ANKRD36C: variants seen among roughly 807,000 people sequenced by gnomAD.
ANKRD36C encodes the protein ankyrin repeat domain-containing protein 36C.
Under a neutral mutation model 276.4 loss-of-function variants are expected in ANKRD36C, and 61 were observed. That is an observed-to-expected ratio of 0.22 (90% CI 0.18 to 0.27). The LOEUF (loss-of-function observed/expected upper bound fraction) is 0.27. Among genes scored for constraint, ANKRD36C ranks in the 10% least tolerant of loss-of-function variants. ANKRD36C has a pLI of 1.00. For missense variants in ANKRD36C, 1,447 were observed against 2,032.3 expected (o/e 0.71, Z 5.54); for synonymous variants, 483 against 680.1 (o/e 0.71, Z 4.51).
At chr2:95,971,732 T>C (rs529321044) in intron 6 of ANKRD36C, among the ~76,000 whole-genome samples, 1 of 152,168 alleles carries the variant, frequency 6.6e-6, no homozygotes, top group Non-Finnish European at 1.5e-5. Flanking sequence ...TTTAACAAAA[T>C]ATAAAACAAA....
intron 44 of ANKRD36C, chr2:95,893,571 A>G (rs1387091732): frequency 3.2e-6 from 5 of 1,563,446 alleles, no homozygotes; most frequent in Admixed American, 1.9e-5. Flanking sequence ...TTCTCTGGCT[A>G]TATTCAAAAC....
chr2:95,894,580 G>C (rs1476662398), intron 44 of ANKRD36C, among the ~76,000 whole-genome samples: 3 of 151,324 alleles, frequency 2.0e-5, no homozygotes, highest in Non-Finnish European at 4.4e-5. Context: ...AAAGAGCCTT[G>C]TTGGGAGTAT....
At chr2:95,917,596 G>T (rs1466010642) in intron 36 of ANKRD36C, among the ~76,000 whole-genome samples, 2 of 151,468 alleles carry the variant, frequency 1.3e-5, no homozygotes, top group African/African-American at 4.8e-5. Context: ...AGCCCCTTAT[G>T]TCTTGAACCT....
intron 60 of ANKRD36C, among the ~76,000 whole-genome samples, chr2:95,860,985 G>A (rs1675564477): frequency 6.6e-6 from 1 of 152,124 alleles, no homozygotes; most frequent in Non-Finnish European, 1.5e-5. Context: ...CAGAAACGAT[G>A]TCTGGGGTTC....
At chr2:95,910,373 C>G (rs1203121663) in intron 42 of ANKRD36C, 1 of 1,537,808 alleles carries the variant, frequency 6.5e-7, no homozygotes, top group Admixed American at 2.0e-5. Flanking sequence ...TCAAAATTAC[C>G]TGTCCTAGAT....
intron 24 of ANKRD36C, among the ~76,000 whole-genome samples, chr2:95,931,677 G>A (rs1286615649): frequency 2.7e-5 from 4 of 146,034 alleles, no homozygotes; most frequent in Non-Finnish European, 6.1e-5. Context: ...CATGAAAAAT[G>A]AAGCACTGAC....
chr2:95,921,513 GC>G (rs908700324), intron 34 of ANKRD36C, 93 bp downstream of exon 34: 8 of 1,492,746 alleles, frequency 5.4e-6, no homozygotes, highest in East Asian at 4.9e-5. Context: ...GCTTCGGCGA[GC>G]CCCCCCACCT....
At chr2:95,967,799 T>C (rs969735846) in intron 6 of ANKRD36C, among the ~76,000 whole-genome samples, 9 of 151,756 alleles carry the variant, frequency 5.9e-5, no homozygotes, top group African/African-American at 2.2e-4. Context: ...TAAAAAAAAA[T>C]CATGCAGGCT....
intron 59 of ANKRD36C, among the ~76,000 whole-genome samples, chr2:95,869,206 A>G (rs1280097495): frequency 1.3e-5 from 2 of 152,204 alleles, no homozygotes; most frequent in Non-Finnish European, 2.9e-5. Context: ...CTACTCCCAA[A>G]TCACTGGATT....
At chr2:95,954,275 G>C (rs1315120726) in intron 13 of ANKRD36C, among the ~76,000 whole-genome samples, 1 of 152,122 alleles carries the variant, frequency 6.6e-6, no homozygotes, top group Non-Finnish European at 1.5e-5. Context: ...ATCACAAATA[G>C]TGACAGGCAT....
At chr2:95,917,536 C>G (rs1677136416) in intron 36 of ANKRD36C, among the ~76,000 whole-genome samples, 1 of 151,506 alleles carries the variant, frequency 6.6e-6, no homozygotes, top group Non-Finnish European at 1.5e-5. Flanking sequence ...TCCTTCCACC[C>G]TTAGTGAAAC....
chr2:95,984,074 T>C lies in ANKRD36C; in HGVS notation c.487-1712A>G, dbSNP rs569638616. On this transcript the variant is annotated intron_variant, in intron 3 of 66. Transcript: ENST00000456556. ...ATGGTATGTATAAAGATAAATAGTT[T>C]ATAAAACACCACCATCTAAATTCAA... Among the ~76,000 whole-genome samples, 208 of 152,326 alleles carry C rather than the reference T, an allele frequency of 1.4e-3. 2 individuals carry two copies. Among genetic ancestry groups the C allele is most frequent in the African/African-American group, 4.9e-3 (204 of 41,564 alleles).
intron 6 of ANKRD36C, among the ~76,000 whole-genome samples, chr2:95,975,965 A>C (rs1200806879): frequency 1.3e-5 from 2 of 152,236 alleles, no homozygotes; most frequent in Non-Finnish European, 2.9e-5. Flanking sequence ...AAAGTGGGCG[A>C]AGGATATGAA....
In ANKRD36C at chr2:95,960,685, T is replaced by C. The variant is rs1678439744; in HGVS notation, c.902-18A>G. The C allele has an allele frequency of 5.1e-6, 5 of 987,016 alleles. No individual in the cohort carries two copies. Among genetic ancestry groups the C allele is most frequent in the Non-Finnish European group, 7.3e-6 (5 of 684,388 alleles). 61.1% of individuals were successfully genotyped at this position (987,016 alleles called of 1,614,324 possible). ...AGAAGACACTGAAAACCAGAAGGGA[T>C]ACATAATCACTCATATGTAAATATG... On this transcript the variant is annotated intron_variant, in intron 8 of 66. Transcript: ENST00000456556.
At chr2:95,880,467 A>G in exon 58 of ANKRD36C, 9 of 1,555,094 alleles carry the variant, frequency 5.8e-6, no homozygotes, top group Non-Finnish European at 7.8e-6. Context: ...TGGTGGCTGT[A>G]TTCAGAACAG....
chr2:95,953,078 G>A (rs550071519), intron 14 of ANKRD36C, among the ~76,000 whole-genome samples: 1 of 152,336 alleles, frequency 6.6e-6, no homozygotes, highest in Admixed American at 6.5e-5. Flanking sequence ...AAAATATGAA[G>A]AGTCTCTGTT....
intron 6 of ANKRD36C, among the ~76,000 whole-genome samples, chr2:95,967,397 T>A (rs1678614381): frequency 6.6e-6 from 1 of 152,204 alleles, no homozygotes; most frequent in Non-Finnish European, 1.5e-5. Context: ...AAGCTCATCA[T>A]CACTGATCAT....
chr2:95,890,190 T>C (rs1676307283), intron 46 of ANKRD36C, among the ~76,000 whole-genome samples, 196 bp from the exon 67 acceptor site: 1 of 151,362 alleles, frequency 6.6e-6, no homozygotes, highest in African/African-American at 2.4e-5. Context: ...ATGAAATATA[T>C]CCTTACAATT....
chr2:95,973,341 G>A (rs1171458673), intron 6 of ANKRD36C, among the ~76,000 whole-genome samples: 1 of 152,062 alleles, frequency 6.6e-6, no homozygotes, highest in East Asian at 1.9e-4. Flanking sequence ...GAACCCAGGA[G>A]GCAGAGTTTG....
Sources: gnomAD v4.1 joint callset for allele counts (sites outside exome capture counted in the v4.1 genomes callset) on GRCh38, gnomAD v4.1.1 for gene constraint, MANE v1.5 for transcripts, NCBI Gene and HGNC (gene_info 2026-07-23, HGNC 2026-07-21) for gene names.